The following ESAM variants were observed in gnomAD, a reference collection of about 807,000 sequenced individuals.
The protein encoded by ESAM is endothelial cell-selective adhesion molecule.
In ESAM, 23 loss-of-function variants were observed where a neutral mutation model predicts 31.8. The observed-to-expected ratio is 0.72, with a 90% CI of 0.52 to 1.03. The LOEUF (loss-of-function observed/expected upper bound fraction) is 1.03, where lower values mean the gene tolerates loss of function less well. Among genes scored for constraint, ESAM ranks in the 50% least tolerant of loss-of-function variants. The pLI is 0.00. For missense variants in ESAM, 478 were observed against 488.9 expected, an observed-to-expected ratio of 0.98 and a Z score of 0.21; for synonymous variants, 216 against 207.2, an observed-to-expected ratio of 1.04 and a Z score of -0.37.
Position 124,762,219 on chromosome 11 carries a change from G to T in ESAM, c.-65C>A. On this transcript the variant is annotated 5_prime_UTR_variant, in exon 1 of 7. Coordinates refer to ENST00000278927, the MANE Select transcript of ESAM (RefSeq NM_138961.3). The surrounding 1 kb of genome is among the most constrained non-coding windows in gnomAD (Gnocchi z 6.4). Reference sequence around the variant, plus strand: ...CGGGACGCACGGACCTGCAGGTGCCGAGGCTGCGCGACGGCCGGAGCGTGC... The same window carrying T: ...CGGGACGCACGGACCTGCAGGTGCCTAGGCTGCGCGACGGCCGGAGCGTGC... 1 of 1,315,532 alleles carries T rather than the reference G, an allele frequency of 7.6e-7. No homozygotes were observed. Among genetic ancestry groups the T allele is most frequent in the Non-Finnish European group, 1.0e-6 (1 of 971,912 alleles). 81.5% of individuals were successfully genotyped at this position (1,315,532 alleles called of 1,614,324 possible).
rs547321557 is a variant in ESAM at position 124,762,169 on chromosome 11, G to C, written c.-15C>G. 18 of 1,599,602 alleles carry C rather than the reference G, an allele frequency of 1.1e-5. No homozygotes were observed. The highest frequency in any genetic ancestry group is 1.1e-4 in the South Asian group (10 of 89,900). On this transcript the variant is annotated 5_prime_UTR_variant, in exon 1 of 7. Coordinates refer to ENST00000278927, the MANE Select transcript of ESAM (RefSeq NM_138961.3). This position sits in a 1 kb window ranked among gnomAD's most constrained non-coding sequence, Gnocchi z 6.4. Reference sequence around the variant, plus strand: ...AGGGAAATCATGGCCCTCCCTGGCCGGGACGGAGTCAGGGGCGCCAGCCGC... The same window carrying C: ...AGGGAAATCATGGCCCTCCCTGGCCCGGACGGAGTCAGGGGCGCCAGCCGC...
Position 124,754,254 on chromosome 11 carries a change from G to T in ESAM, c.817C>A (p.Arg273Ser), listed in dbSNP as rs12792040. The part of the protein sequence containing the change: ...LLAGLVLLYH[R>S]RGKALEEPAN... ...GGCTCCTCCAGGGCCTTGCCCCGGCGGTGGTACAAGAGGACCAGCCCAGCC... is the reference window on the plus strand; with the variant it reads ...GGCTCCTCCAGGGCCTTGCCCCGGCTGTGGTACAAGAGGACCAGCCCAGCC... The change falls in exon 6 of 7, where the codon CGC (arginine) becomes AGC (serine). Residue 273 changes from arginine (R) to serine (S), a missense_variant. Coordinates refer to ENST00000278927, the MANE Select transcript of ESAM (RefSeq NM_138961.3). This position sits in a 1 kb window ranked among gnomAD's most constrained non-coding sequence, Gnocchi z 4.5. The T allele has an allele frequency of 3.1e-6, 5 of 1,613,716 alleles. No homozygotes were observed. The African/African-American group carries it at 6.7e-5, about 22-fold the overall frequency.
In ESAM at chr11:124,758,529, T is replaced by C; in HGVS notation, c.71-2A>G. 6.5e-7 allele frequency: 1 copy of C among 1,546,144 alleles called. No homozygotes were observed. On this transcript the variant is annotated splice_acceptor_variant, in intron 1 of 6. Transcript: ENST00000278927. LOFTEE classifies it high-confidence loss of function. ...GCAGCTGGGCCCGCGAGGGGGGCGC[T>C]GGAGACAAGAGCGAGGCGTGAGTGC...
At chr11:124,756,815 C>T (rs761083854) in intron 2 of ESAM, 73 bp from the exon 3 acceptor site, 2 of 1,496,260 alleles carry the variant, frequency 1.3e-6, no homozygotes, top group South Asian at 1.2e-5. Context: ...GCCACTCTCC[C>T]TCCCCCAGCT....
chr11:124,755,654 A>G (rs1944143932), intron 4 of ESAM, among the ~76,000 whole-genome samples: 1 of 152,142 alleles, frequency 6.6e-6, no homozygotes. Flanking sequence ...ACTTTTTGCC[A>G]TATTTATTTG....
In ESAM at chr11:124,762,028, G is replaced by A; in HGVS notation, c.70+57C>T. 4.0e-6 allele frequency: 6 copies of A among 1,507,512 alleles called. No individual in the cohort carries two copies. Among genetic ancestry groups the A allele is most frequent in the South Asian group, 3.5e-5 (3 of 85,448 alleles). The allele number at this position is 1,507,512 out of a possible 1,614,324, so 93.4% of individuals were successfully genotyped here. A position where few individuals can be genotyped will look rare whatever the true frequency, so the allele number is the denominator to read the frequency against. ...AGCAGTGGCCAAAGTTCTCCCTCAG[G>A]GTCGAACTCACCCCATCCCGCATCC... On this transcript the variant is annotated intron_variant, in intron 1 of 6. Coordinates refer to ENST00000278927, the MANE Select transcript of ESAM (RefSeq NM_138961.3). This position sits in a 1 kb window ranked among gnomAD's most constrained non-coding sequence, Gnocchi z 6.4.
intron 3 of ESAM, 46 bp downstream of exon 3, chr11:124,756,495 T>A: frequency 6.2e-7 from 1 of 1,607,446 alleles, no homozygotes; most frequent in Non-Finnish European, 8.5e-7. Context: ...TCACCAGACC[T>A]CCCAGTGCAG....
In ESAM at chr11:124,758,536, A is replaced by C. The variant is rs371590462; in HGVS notation, c.71-9T>G. 2.6e-6 allele frequency: 4 copies of C among 1,530,260 alleles called. No individual in the cohort carries two copies. Among genetic ancestry groups the C allele is most frequent in the Non-Finnish European group, 3.5e-6 (4 of 1,138,818 alleles). The allele number at this position is 1,530,260 out of a possible 1,614,324, so 94.8% of individuals were successfully genotyped here. ...GGCCCGCGAGGGGGGCGCTGGAGAC[A>C]AGAGCGAGGCGTGAGTGCCCAGGAC... On this transcript the variant is annotated splice_polypyrimidine_tract_variant and intron_variant, in intron 1 of 6. Coordinates refer to ENST00000278927, the MANE Select transcript of ESAM (RefSeq NM_138961.3).
intron 2 of ESAM, 49 bp downstream of exon 2, chr11:124,758,300 C>T (rs750035505): frequency 2.5e-6 from 4 of 1,610,056 alleles, no homozygotes; most frequent in Non-Finnish European, 3.4e-6. Flanking sequence ...TTGCTTACAA[C>T]CCCCTCTGGG....
At position 124,756,552 on chromosome 11, in the gene ESAM, A is replaced by G; in HGVS notation, c.440T>C (p.Leu147Pro). Residue 147 changes from leucine (L) to proline (P), a missense_variant, in exon 3 of 7, where the codon CTC (leucine) becomes CCC (proline). By Grantham distance (98) the Leu-to-Pro change is moderately conservative (BLOSUM62 -3). Transcript: ENST00000278927. Reference protein sequence around the residue: ...SRGHSIKTLELNVLVPPAPPS... With the variant: ...SRGHSIKTLEPNVLVPPAPPS... The stretch of plus-strand genomic sequence containing the variant: ...TGCTTCTCACTCACCCAGTACATTG[A>G]GTTCTAAGGTTTTGATGCTGTGGCC... 6.2e-7 allele frequency: 1 copy of G among 1,613,944 alleles called. No individual in the cohort carries two copies. The highest frequency in any genetic ancestry group is 8.5e-7 in the Non-Finnish European group (1 of 1,180,022).
At chr11:124,761,784 G>C (rs1313325331) in intron 1 of ESAM, among the ~76,000 whole-genome samples, 3 of 137,352 alleles carry the variant, frequency 2.2e-5, no homozygotes, top group African/African-American at 7.8e-5. Context: ...TCTGCTGGGT[G>C]GGGGGTGGGG....
chr11:124,758,460 C>T lies in ESAM; in HGVS notation c.138G>A (p.Gly46=), dbSNP rs1345377730. Reference sequence around the variant, plus strand: ...TGTACCACGCTGGAAGCACCACTTCCCCTCCCTCCACCGCCTGCAACCGGT... The same window carrying T: ...TGTACCACGCTGGAAGCACCACTTCTCCTCCCTCCACCGCCTGCAACCGGT... ...PANRLQAVEG[G]EVVLPAWYTL... The change falls in exon 2 of 7, where the codon GGG becomes GGA. Residue 46 remains glycine, a synonymous_variant. Coordinates refer to ENST00000278927, the MANE Select transcript of ESAM (RefSeq NM_138961.3). 1.2e-5 allele frequency: 20 copies of T among 1,613,166 alleles called. No homozygotes were observed. Among genetic ancestry groups the T allele is most frequent in the Non-Finnish European group, 1.5e-5 (18 of 1,179,642 alleles).
chr11:124,753,446 C>G lies in ESAM; in HGVS notation c.*200G>C, dbSNP rs1476366145. ...GGTGGGTGGAGGCTCCTCCCAATTC[C>G]AGATCCACTTCCTCTTCTCCTTCTG... On this transcript the variant is annotated 3_prime_UTR_variant, in exon 7 of 7. Coordinates refer to ENST00000278927, the MANE Select transcript of ESAM (RefSeq NM_138961.3). 1.6e-6 allele frequency: 1 copy of G among 617,830 alleles called. No homozygotes were observed. Among genetic ancestry groups the G allele is most frequent in the Non-Finnish European group, 2.7e-6 (1 of 365,678 alleles). The allele number at this position is 617,830 out of a possible 1,614,324, so 38.3% of individuals were successfully genotyped here. A position where few individuals can be genotyped will look rare whatever the true frequency, so the allele number is the denominator to read the frequency against.
intron 1 of ESAM, among the ~76,000 whole-genome samples, chr11:124,760,773 G>T (rs778901615): frequency 6.6e-6 from 1 of 152,258 alleles, no homozygotes; most frequent in Non-Finnish European, 1.5e-5. Flanking sequence ...CAGTCAACTT[G>T]AACTGTCCTC....
At position 124,754,544 on chromosome 11, in the gene ESAM, C is replaced by CT. The variant is rs1944132257; in HGVS notation, c.730+96dup. 1.3e-6 allele frequency: 2 copies of CT among 1,536,122 alleles called. No individual in the cohort carries two copies. Among genetic ancestry groups the CT allele is most frequent in the Non-Finnish European group, 1.8e-6 (2 of 1,139,432 alleles). On this transcript the variant is annotated intron_variant, in intron 5 of 6. Coordinates refer to ENST00000278927, the MANE Select transcript of ESAM (RefSeq NM_138961.3). This position sits in a 1 kb window ranked among gnomAD's most constrained non-coding sequence, Gnocchi z 4.5. ...TGATCAGGGGAAGCTCCGTGCCCTG[C>CT]TACAGAGACAGGCCTCAGCAGACAG...
chr11:124,756,441 C>T, intron 3 of ESAM, 79 bp from the exon 4 acceptor site: 2 of 1,580,672 alleles, frequency 1.3e-6, no homozygotes, highest in Non-Finnish European at 1.7e-6. Flanking sequence ...CCTTCTGTCG[C>T]TTCATTTGTT....
At position 124,762,052 on chromosome 11, in the gene ESAM, C is replaced by T; in HGVS notation, c.70+33G>A. ...GGGTCGAACTCACCCCATCCCGCAT[C>T]CCAAGTCCCCTCCAGGTCCGGGTTT... On this transcript the variant is annotated intron_variant, in intron 1 of 6. Transcript: ENST00000278927. This position sits in a 1 kb window ranked among gnomAD's most constrained non-coding sequence, Gnocchi z 6.4. 1.9e-6 allele frequency: 3 copies of T among 1,597,326 alleles called. No homozygotes were observed. The highest frequency in any genetic ancestry group is 2.2e-5 in the South Asian group (2 of 89,352).
In ESAM at chr11:124,759,870, G is replaced by A. The variant is rs1403918855; in HGVS notation, c.71-1343C>T. On this transcript the variant is annotated intron_variant, in intron 1 of 6. Coordinates refer to ENST00000278927, the MANE Select transcript of ESAM (RefSeq NM_138961.3). The surrounding 1 kb of genome is among the most constrained non-coding windows in gnomAD (Gnocchi z 6.8). ...GAAACAATCCCCGCCTCAAGGAGCT[G>A]GACGCCCCCTGGGGACCCGGCCCGC... 6.6e-6 allele frequency among the ~76,000 whole-genome samples: 1 copy of A among 152,244 alleles called. No homozygotes were observed. Among genetic ancestry groups the A allele is most frequent in the Non-Finnish European group, 1.5e-5 (1 of 68,040 alleles).
chr11:124,756,453 C>T, intron 3 of ESAM, 88 bp downstream of exon 3: 2 of 1,584,146 alleles, frequency 1.3e-6, no homozygotes, highest in Non-Finnish European at 1.7e-6. Context: ...TCATTTGTTC[C>T]TCCTCCAACT....
Sources: gnomAD v4.1 joint callset for allele counts (sites outside exome capture counted in the v4.1 genomes callset) on GRCh38, gnomAD v4.1.1 for gene constraint, Gnocchi (gnomAD v3.1) non-coding constraint, MANE v1.5 for transcripts, NCBI Gene and HGNC (gene_info 2026-07-23, HGNC 2026-07-21) for gene names.